Variants in KDM4C observed in about 807,000 individuals in gnomAD.
KDM4C encodes lysine demethylase 4C, also known as lysine-specific demethylase 4C.
Under a neutral mutation model 129.3 loss-of-function variants are expected in KDM4C, and 81 were observed. The observed-to-expected ratio is 0.63, with a 90% CI of 0.52 to 0.75. The LOEUF (loss-of-function observed/expected upper bound fraction) is 0.75, where lower values mean the gene tolerates loss of function less well. Ranked by LOEUF, KDM4C falls within the 30% of genes least tolerant of loss-of-function variation. KDM4C has a pLI of 0.00. For synonymous variants in KDM4C, 573 were observed against 456.1 expected (o/e 1.26, Z -3.26); for missense variants, 1,457 against 1,304.0 (o/e 1.12, Z -1.81).
chr9:6,780,377 C>G (rs1034391541), intron 1 of KDM4C, among the ~76,000 whole-genome samples: 3 of 139,918 alleles, frequency 2.1e-5, no homozygotes, highest in Non-Finnish European at 3.1e-5. Flanking sequence ...GTTAAGAGAT[C>G]GGGAATTTGT....
chr9:7,094,461 T>C (rs1256221721), intron 17 of KDM4C, among the ~76,000 whole-genome samples: 1 of 152,142 alleles, frequency 6.6e-6, no homozygotes, highest in African/African-American at 2.4e-5. Flanking sequence ...CCACTTGAGA[T>C]TGGAAACCCC....
intron 17 of KDM4C, among the ~76,000 whole-genome samples, chr9:7,073,408 T>C (rs1231725320): frequency 1.3e-5 from 2 of 152,268 alleles, no homozygotes; most frequent in Non-Finnish European, 2.9e-5. Context: ...ATATGTTATA[T>C]AGATAATAGT....
intron 4 of KDM4C, among the ~76,000 whole-genome samples, chr9:6,828,241 A>G (rs895041655): frequency 5.9e-5 from 9 of 151,686 alleles, no homozygotes; most frequent in African/African-American, 1.5e-4. Context: ...TCCGCCTCCC[A>G]GGTTCAGGCC....
chr9:6,813,362 A>G (rs1193828197), intron 3 of KDM4C, among the ~76,000 whole-genome samples: 2 of 152,108 alleles, frequency 1.3e-5, no homozygotes, highest in Non-Finnish European at 2.9e-5. Flanking sequence ...ACTGTGCTTT[A>G]TATTCTAGTG....
At chr9:6,770,577 GT>G (rs994614630) in intron 1 of KDM4C, among the ~76,000 whole-genome samples, 25 of 140,970 alleles carry the variant, frequency 1.8e-4, no homozygotes, top group South Asian at 2.2e-4. Context: ...CCTCAAGTTT[GT>G]TTTTTTTTTT....
At chr9:7,067,874 C>T (rs960657633) in intron 17 of KDM4C, among the ~76,000 whole-genome samples, 3 of 152,098 alleles carry the variant, frequency 2.0e-5, no homozygotes, top group Admixed American at 2.0e-4. Context: ...TGGCTCACTG[C>T]AAGCTCCGTC....
At chr9:6,987,784 T>C (rs894178364) in intron 11 of KDM4C, among the ~76,000 whole-genome samples, 1 of 151,914 alleles carries the variant, frequency 6.6e-6, no homozygotes, top group African/African-American at 2.4e-5. Flanking sequence ...ATATGAAAGA[T>C]AAAAAAAATA....
chr9:7,049,280 C>A, intron 17 of KDM4C, 80 bp downstream of exon 17: 1 of 642,434 alleles, frequency 1.6e-6, no homozygotes, highest in Non-Finnish European at 2.7e-6. Flanking sequence ...TGCACACATT[C>A]CCAAGGTATA....
At chr9:6,826,665 A>T (rs961435679) in intron 4 of KDM4C, among the ~76,000 whole-genome samples, 1 of 152,130 alleles carries the variant, frequency 6.6e-6, no homozygotes, top group African/African-American at 2.4e-5. Context: ...CAGCAGTTCA[A>T]GACCAGCCTG....
At chr9:7,085,302 A>C (rs1834984403) in intron 17 of KDM4C, among the ~76,000 whole-genome samples, 1 of 152,210 alleles carries the variant, frequency 6.6e-6, no homozygotes, top group Non-Finnish European at 1.5e-5. Flanking sequence ...TCTAAAACAA[A>C]TGATTTTTTT....
chr9:7,106,562 C>A (rs1019460881), intron 18 of KDM4C, among the ~76,000 whole-genome samples: 12 of 151,908 alleles, frequency 7.9e-5, no homozygotes, highest in Admixed American at 7.2e-4. Flanking sequence ...TTTTTGATTC[C>A]CTTATTTTTT....
intron 8 of KDM4C, among the ~76,000 whole-genome samples, chr9:6,978,466 A>G (rs1424184959): frequency 2.0e-5 from 3 of 152,180 alleles, no homozygotes; most frequent in Non-Finnish European, 2.9e-5. Flanking sequence ...CAAGTAACAA[A>G]TCTTACGACA....
chr9:7,117,993 G>A (rs758615434), intron 18 of KDM4C, among the ~76,000 whole-genome samples: 9 of 152,154 alleles, frequency 5.9e-5, no homozygotes. Context: ...CCTGTTGAGA[G>A]GTTTACACAT....
intron 13 of KDM4C, among the ~76,000 whole-genome samples, chr9:7,012,515 A>T (rs1822896197): frequency 6.6e-6 from 1 of 152,304 alleles, no homozygotes; most frequent in East Asian, 1.9e-4. Flanking sequence ...AATAATAGAA[A>T]TGTCAGCCCT....
chr9:7,012,059 T>C (rs369676046), intron 13 of KDM4C, among the ~76,000 whole-genome samples, 180 bp downstream of exon 13: 9 of 152,168 alleles, frequency 5.9e-5, no homozygotes, highest in African/African-American at 2.2e-4. Context: ...AGAGACACTT[T>C]TCTGAAAGTA....
chr9:7,160,497 C>T (rs78071279), intron 19 of KDM4C, among the ~76,000 whole-genome samples: 1 of 152,240 alleles, frequency 6.6e-6, no homozygotes, highest in Non-Finnish European at 1.5e-5. Flanking sequence ...TGTTGGTGAC[C>T]TACAGATCGG....
chr9:6,875,988 G>C (rs1273875892), intron 5 of KDM4C, among the ~76,000 whole-genome samples: 1 of 152,184 alleles, frequency 6.6e-6, no homozygotes, highest in Non-Finnish European at 1.5e-5. Flanking sequence ...GCCTGTGATG[G>C]TGCAGTAGAG....
chr9:6,865,194 G>C (rs375472743), intron 5 of KDM4C, among the ~76,000 whole-genome samples: 6 of 151,958 alleles, frequency 3.9e-5, no homozygotes, highest in African/African-American at 1.4e-4. Flanking sequence ...ATTTTTAGTA[G>C]AGACGGGGTT....
intron 17 of KDM4C, among the ~76,000 whole-genome samples, chr9:7,071,558 T>G (rs926902955): frequency 2.0e-5 from 3 of 152,070 alleles, no homozygotes; most frequent in Non-Finnish European, 4.4e-5. Flanking sequence ...GTTGGAAAAA[T>G]TTGGAAAATA....
Sources: gnomAD v4.1 joint callset for allele counts (sites outside exome capture counted in the v4.1 genomes callset) on GRCh38, gnomAD v4.1.1 for gene constraint, MANE v1.5 for transcripts, NCBI Gene and HGNC (gene_info 2026-07-23, HGNC 2026-07-21) for gene names.